YIPF6: variants seen among roughly 807,000 people sequenced by gnomAD.
The protein encoded by YIPF6 is Yip1 domain family member 6.
YIPF6 carries 3 observed loss-of-function variants against 16.8 expected under a neutral mutation model. That is an observed-to-expected ratio of 0.18 (90% CI 0.08 to 0.46). The LOEUF is 0.46. Among genes scored for constraint, YIPF6 ranks in the 20% least tolerant of loss-of-function variants. The pLI, the probability that YIPF6 is intolerant of heterozygous loss-of-function variation, is 0.98. For synonymous variants in YIPF6, 67 were observed against 61.9 expected (o/e 1.08, Z -0.38); for missense variants, 145 against 184.9 (o/e 0.78, Z 1.25).
intron 2 of YIPF6, 65 bp downstream of exon 2, chrX:68,512,042 T>C (rs2079083009): frequency 7.7e-6 from 8 of 1,032,882 alleles, no homozygotes; most frequent in Non-Finnish European, 1.0e-5. Flanking sequence ...AATAGTACTT[T>C]GCAATATTTT....
At chrX:68,516,014 T>G (rs1430227190) in intron 3 of YIPF6, among the ~76,000 whole-genome samples, 3 of 111,003 alleles carry the variant, frequency 2.7e-5, no homozygotes, top group African/African-American at 9.8e-5. Flanking sequence ...TCCCAGCTAC[T>G]CCGGAGGCTG....
chrX:68,518,783 C>A lies in YIPF6; in HGVS notation c.279C>A (p.Gly93=). 8.5e-7 allele frequency: 1 copy of A among 1,176,002 alleles called. No individual in the cohort carries two copies. The highest frequency in any genetic ancestry group is 1.1e-6 in the Non-Finnish European group (1 of 881,920). The part of the protein sequence containing the change: ...NTLLRDWDLW[G]PLILCVTLAL... ...CTTGTCTTGTAGGGGATTTGTGGGG[C>A]CCTTTGATCCTTTGTGTGACACTCG... is the stretch of plus-strand genomic sequence containing the variant. Residue 93 remains glycine, a synonymous_variant, in exon 4 of 7, where the codon GGC becomes GGA. Transcript: ENST00000462683.
rs1305822060 is a variant in YIPF6, at chrX:68,537,210, AAAT to A, written c.*5217_*5219del. The A allele has an allele frequency of 8.9e-6, 1 of 112,036 alleles. No homozygotes were observed. Among genetic ancestry groups the A allele is most frequent in the Admixed American group, 9.5e-5 (1 of 10,506 alleles). The allele number at this position is 112,036 out of a possible 1,213,427, so 9.2% of individuals were successfully genotyped here. ...CATTTTAATCTTGATTTTTTTCTATAAATAATAAATCTGTGAAAAATCTGTAAA... is the reference window on the plus strand; with the variant it reads ...CATTTTAATCTTGATTTTTTTCTATAAATAAATCTGTGAAAAATCTGTAAA... On this transcript the variant is annotated 3_prime_UTR_variant, in exon 7 of 7. Coordinates refer to ENST00000462683, the MANE Select transcript of YIPF6 (RefSeq NM_173834.4).
chrX:68,531,357 T>G (rs2079170735), intron 6 of YIPF6, among the ~76,000 whole-genome samples: 1 of 111,704 alleles, frequency 9.0e-6, no homozygotes, highest in Non-Finnish European at 1.9e-5. Flanking sequence ...ACTCCTGACC[T>G]CTGGTGATCC....
intron 2 of YIPF6, among the ~76,000 whole-genome samples, chrX:68,512,904 C>T (rs1282877524): frequency 8.7e-5 from 9 of 103,654 alleles, no homozygotes; most frequent in African/African-American, 2.8e-4. Context: ...AAATTTATTT[C>T]ATATATTGCA....
At position 68,536,208 on chromosome X, in the gene YIPF6, G is replaced by A. The variant is rs1432248084; in HGVS notation, c.*4209G>A. ...TTTGTAACTTCACCAAGAAACCCCA[G>A]GTCTGTCAGCAGTCAGTTCCATTCC... is the stretch of plus-strand genomic sequence containing the variant. On this transcript the variant is annotated 3_prime_UTR_variant, in exon 7 of 7. Transcript: ENST00000462683. 1.8e-5 allele frequency: 2 copies of A among 111,179 alleles called. No individual in the cohort carries two copies. The highest frequency in any genetic ancestry group is 6.5e-5 in the African/African-American group (2 of 30,574). The allele number at this position is 111,179 out of a possible 1,213,427, so 9.2% of individuals were successfully genotyped here.
Position 68,511,916 on chromosome X carries a change from T to C in YIPF6, c.125T>C (p.Met42Thr), listed in dbSNP as rs747152253. The change falls in exon 2 of 7, where the codon ATG becomes ACG. Residue 42 changes from methionine to threonine, a missense_variant. By Grantham distance (81) the Met-to-Thr change is moderately conservative. Coordinates refer to ENST00000462683, the MANE Select transcript of YIPF6 (RefSeq NM_173834.4). The part of the protein sequence containing the change: ...IPVEGEITIP[M>T]RSRIREFDSS... ...GTAGAAGGAGAAATCACCATTCCTA[T>C]GAGATCTCGCATCCGGGAGTTTGAC... 35 of 1,206,176 alleles carry C rather than the reference T, an allele frequency of 2.9e-5. No homozygotes were observed. In the Admixed American group the frequency reaches 7.7e-4, roughly 27 times the overall value.
chrX:68,516,870 A>G (rs2079104772), intron 3 of YIPF6, among the ~76,000 whole-genome samples: 1 of 105,128 alleles, frequency 9.5e-6, no homozygotes, highest in Non-Finnish European at 2.0e-5. Context: ...GAGTGTAGTG[A>G]GTGGAGGTTG....
chrX:68,529,361 A>G (rs2079162133), intron 6 of YIPF6, among the ~76,000 whole-genome samples: 1 of 110,074 alleles, frequency 9.1e-6, no homozygotes, highest in Non-Finnish European at 1.9e-5. Context: ...TGGTTATTCT[A>G]GTTAGCAATT....
intron 6 of YIPF6, among the ~76,000 whole-genome samples, chrX:68,526,022 A>G (rs1178257369): frequency 8.9e-6 from 1 of 112,174 alleles, no homozygotes; most frequent in East Asian, 2.8e-4. Flanking sequence ...TTCTGTGAAG[A>G]AAGTCAATGG....
At position 68,532,121 on chromosome X, in the gene YIPF6, G is replaced by A; in HGVS notation, c.*122G>A. ...TTGGAGGTATTTGATAACTGAGTAGGTGAGGAGATTAAAAGGGAGCCATAT... is the reference window on the plus strand; with the variant it reads ...TTGGAGGTATTTGATAACTGAGTAGATGAGGAGATTAAAAGGGAGCCATAT... On this transcript the variant is annotated 3_prime_UTR_variant, in exon 7 of 7. Transcript: ENST00000462683. The A allele has an allele frequency of 2.0e-6, 1 of 512,118 alleles. No homozygotes were observed. The highest frequency in any genetic ancestry group is 3.6e-5 in the East Asian group (1 of 27,935). The allele number at this position is 512,118 out of a possible 1,213,427, so 42.2% of individuals were successfully genotyped here.
chrX:68,502,917 C>T (rs1040071259), intron 1 of YIPF6, among the ~76,000 whole-genome samples: 14 of 109,694 alleles, frequency 1.3e-4, no homozygotes, highest in African/African-American at 4.3e-4. Context: ...CAACCTCTGC[C>T]TCCCAGGTTC....
intron 1 of YIPF6, among the ~76,000 whole-genome samples, chrX:68,509,794 A>G (rs1369524938): frequency 1.8e-5 from 2 of 111,143 alleles, no homozygotes; most frequent in African/African-American, 3.3e-5. Context: ...TGTGTTCTGA[A>G]GGCAACTTGT....
intron 1 of YIPF6, among the ~76,000 whole-genome samples, chrX:68,505,007 C>G (rs1011840204): frequency 3.6e-5 from 4 of 111,866 alleles, no homozygotes; most frequent in East Asian, 5.6e-4. Context: ...TCCTACTGTA[C>G]TACAATGCTT....
chrX:68,521,627 G>C, intron 5 of YIPF6, 130 bp downstream of exon 5: 3 of 689,839 alleles, frequency 4.3e-6, no homozygotes, highest in Non-Finnish European at 6.2e-6. Flanking sequence ...AGGCTCGAGT[G>C]CATTGGTGTG....
chrX:68,529,116 A>G (rs1412290748), intron 6 of YIPF6, among the ~76,000 whole-genome samples: 1 of 110,983 alleles, frequency 9.0e-6, no homozygotes, highest in African/African-American at 3.3e-5. Flanking sequence ...TGGTACACCA[A>G]TCAAAGGTAG....
chrX:68,516,125 A>T (rs1470994423), intron 3 of YIPF6, among the ~76,000 whole-genome samples: 1 of 111,280 alleles, frequency 9.0e-6, no homozygotes, highest in Non-Finnish European at 1.9e-5. Context: ...CTCTGTCTCA[A>T]AAAAACAAAA....
chrX:68,511,999 A>T (rs760298302), intron 2 of YIPF6, 22 bp downstream of exon 2: 2 of 1,196,368 alleles, frequency 1.7e-6, no homozygotes, highest in Non-Finnish European at 1.1e-6. Context: ...TAGTTGAGAG[A>T]ACTTCTGTTC....
chrX:68,524,040 A>G (rs751769604), intron 6 of YIPF6, among the ~76,000 whole-genome samples: 3 of 112,063 alleles, frequency 2.7e-5, no homozygotes, highest in Admixed American at 9.5e-5. Flanking sequence ...GGAGTTCACA[A>G]TCTAACAGAG....
Sources: allele counts gnomAD v4.1 joint callset (sites outside exome capture counted in the v4.1 genomes callset), GRCh38; gene constraint gnomAD v4.1.1; transcripts MANE v1.5; gene names NCBI Gene and HGNC (gene_info 2026-07-23, HGNC 2026-07-21).